PLCB1: variants seen among roughly 807,000 people sequenced by gnomAD.
PLCB1 encodes the protein 1-phosphatidylinositol 4,5-bisphosphate phosphodiesterase beta-1.
Under a neutral mutation model 161.8 loss-of-function variants are expected in PLCB1, and 46 were observed. That is an observed-to-expected ratio of 0.28 (90% CI 0.22 to 0.36). PLCB1 has a LOEUF of 0.36. PLCB1 is among the 10% of genes least tolerant of loss of function. The pLI, the probability that PLCB1 is intolerant of heterozygous loss-of-function variation, is 1.00. For missense variants in PLCB1, 1,016 were observed against 1,472.5 expected (o/e 0.69, Z 5.07); for synonymous variants, 517 against 503.7 (o/e 1.03, Z -0.35).
At chr20:8,616,073 C>A (rs1988033816) in intron 3 of PLCB1, among the ~76,000 whole-genome samples, 1 of 152,168 alleles carries the variant, frequency 6.6e-6, no homozygotes, top group Admixed American at 6.5e-5. Flanking sequence ...CTGAATCCAA[C>A]ATCAAGTCAA....
chr20:8,460,223 C>T (rs1981515410), intron 3 of PLCB1, among the ~76,000 whole-genome samples: 1 of 152,136 alleles, frequency 6.6e-6, no homozygotes, highest in Non-Finnish European at 1.5e-5. Context: ...GCTGCAGTTT[C>T]ATATTGACAT....
At chr20:8,867,706 T>C (rs1478299807) in intron 31 of PLCB1, among the ~76,000 whole-genome samples, 1 of 152,208 alleles carries the variant, frequency 6.6e-6, no homozygotes, top group Non-Finnish European at 1.5e-5. Context: ...GGGCCTTTTA[T>C]TGGACTCTTG....
At chr20:8,143,440 C>T (rs1436173955) in intron 1 of PLCB1, among the ~76,000 whole-genome samples, 1 of 152,218 alleles carries the variant, frequency 6.6e-6, no homozygotes, top group East Asian at 1.9e-4. Flanking sequence ...GTACTGATGT[C>T]TCTTTTAAGC....
intron 2 of PLCB1, among the ~76,000 whole-genome samples, chr20:8,331,178 A>C (rs1985350886): frequency 6.6e-6 from 1 of 152,218 alleles, no homozygotes; most frequent in East Asian, 1.9e-4. Context: ...TCCAAAGAAC[A>C]ATAAAACCTT....
At chr20:8,232,710 T>C (rs993567951) in intron 2 of PLCB1, among the ~76,000 whole-genome samples, 2 of 152,210 alleles carry the variant, frequency 1.3e-5, no homozygotes, top group Admixed American at 6.5e-5. Flanking sequence ...TGCCCAGTGT[T>C]ACCTGATATG....
chr20:8,410,591 C>T (rs1232774), intron 3 of PLCB1, among the ~76,000 whole-genome samples: 36,718 of 151,892 alleles, frequency 0.24, 4,832 homozygotes, highest in East Asian at 0.39. Context: ...ACACTTGACA[C>T]GTGAGCCTCT....
intron 27 of PLCB1, among the ~76,000 whole-genome samples, chr20:8,780,897 G>A (rs1040492): frequency 0.33 from 49,484 of 152,138 alleles, 8,593 homozygotes; most frequent in East Asian, 0.49. Context: ...ACAAGATAAT[G>A]CACCTAAAAT....
At chr20:8,382,086 A>T (rs1189592427) in intron 3 of PLCB1, among the ~76,000 whole-genome samples, 3 of 151,976 alleles carry the variant, frequency 2.0e-5, no homozygotes, top group Non-Finnish European at 4.4e-5. Context: ...TGATGTGGGT[A>T]CTTAGTGCTA....
chr20:8,804,512 A>G (rs1345171776), intron 31 of PLCB1, among the ~76,000 whole-genome samples: 2 of 152,244 alleles, frequency 1.3e-5, no homozygotes, highest in Admixed American at 6.5e-5. Flanking sequence ...AAGCAGAAAA[A>G]GAAAATCCCA....
At chr20:8,480,012 T>A (rs933321244) in intron 3 of PLCB1, among the ~76,000 whole-genome samples, 1 of 152,208 alleles carries the variant, frequency 6.6e-6, no homozygotes. Flanking sequence ...TTCTAAAGGT[T>A]TTCTCAGTAG....
intron 3 of PLCB1, among the ~76,000 whole-genome samples, chr20:8,621,863 A>G (rs6140653): frequency 0.036 from 5,525 of 152,324 alleles, 187 homozygotes; most frequent in East Asian, 0.17. Flanking sequence ...TGAAATTGGA[A>G]TAACAATAGC....
chr20:8,742,158 G>C (rs923563432), intron 23 of PLCB1, among the ~76,000 whole-genome samples: 1 of 152,072 alleles, frequency 6.6e-6, no homozygotes, highest in African/African-American at 2.4e-5. Context: ...TAGTAGAAAT[G>C]AAGTTTAAAT....
rs1984323107 is a variant in PLCB1 at position 8,802,288 on chromosome 20, A to G, written c.3423+12027A>G. The stretch of plus-strand genomic sequence containing the variant: ...TCATCCTCCCTTTCTCTACATTCCC[A>G]TCTTTTTTTTCTGCTAAAGTTCCCA... On this transcript the variant is annotated intron_variant, in intron 31 of 31. Coordinates refer to ENST00000338037, the MANE Select transcript of PLCB1 (RefSeq NM_015192.4). 15 of 593,702 alleles carry G rather than the reference A, an allele frequency of 2.5e-5. No individual in the cohort carries two copies. In the South Asian group the frequency reaches 3.3e-4, roughly 13 times the overall value. 36.8% of individuals were successfully genotyped at this position (593,702 alleles called of 1,614,324 possible).
At chr20:8,430,639 T>A (rs994919323) in intron 3 of PLCB1, among the ~76,000 whole-genome samples, 6 of 152,294 alleles carry the variant, frequency 3.9e-5, no homozygotes, top group African/African-American at 1.4e-4. Flanking sequence ...TGATGGAAAT[T>A]TCCTATTTTG....
chr20:8,406,322 T>C (rs1978785665), intron 3 of PLCB1, among the ~76,000 whole-genome samples: 1 of 152,232 alleles, frequency 6.6e-6, no homozygotes, highest in Admixed American at 6.5e-5. Flanking sequence ...TTATTCAACT[T>C]ACTAGTGTCA....
intron 1 of PLCB1, among the ~76,000 whole-genome samples, chr20:8,147,872 GTT>G (rs559136150): frequency 1.0e-4 from 13 of 130,448 alleles, no homozygotes; most frequent in African/African-American, 1.5e-4. Context: ...ATTTTGAAAA[GTT>G]TTTTTTTTTT....
chr20:8,539,633 T>TTTCC (rs1555768728), intron 3 of PLCB1, among the ~76,000 whole-genome samples: 64 of 87,250 alleles, frequency 7.3e-4, no homozygotes, highest in African/African-American at 2.6e-3. Context: ...TCTTTCTTTC[T>TTTCC]TTCTTTCTTT....
intron 3 of PLCB1, among the ~76,000 whole-genome samples, chr20:8,391,959 G>A (rs1987618895): frequency 6.6e-6 from 1 of 151,620 alleles, no homozygotes; most frequent in Non-Finnish European, 1.5e-5. Context: ...GAAACATTTT[G>A]AAATGGGAAT....
At chr20:8,728,178 T>G (rs182346624) in intron 17 of PLCB1, among the ~76,000 whole-genome samples, 250 of 152,192 alleles carry the variant, frequency 1.6e-3, no homozygotes, top group South Asian at 2.7e-3. Flanking sequence ...CTCACAATAG[T>G]CCTATGACAT....
Sources: allele counts gnomAD v4.1 joint callset (sites outside exome capture counted in the v4.1 genomes callset), GRCh38; gene constraint gnomAD v4.1.1; transcripts MANE v1.5; gene names NCBI Gene and HGNC (gene_info 2026-07-23, HGNC 2026-07-21).